Variants in SULF1 observed in about 807,000 individuals in gnomAD.
SULF1 encodes sulfatase 1, also known as extracellular sulfatase Sulf-1.
SULF1 carries 46 observed loss-of-function variants against 110.5 expected under a neutral mutation model. The observed-to-expected ratio is 0.42, with a 90% CI of 0.33 to 0.53. The LOEUF (loss-of-function observed/expected upper bound fraction) is 0.53, where lower values mean the gene tolerates loss of function less well. SULF1 is among the 20% of genes least tolerant of loss of function. SULF1 has a pLI of 0.12. For missense variants in SULF1, 941 were observed against 1,094.2 expected, an observed-to-expected ratio of 0.86 and a Z score of 1.98; for synonymous variants, 371 against 387.1, an observed-to-expected ratio of 0.96 and a Z score of 0.49.
At chr8:69,487,869 T>G (rs914934996), upstream of SULF1, among the ~76,000 whole-genome samples, 2 of 152,238 alleles carry the variant, frequency 1.3e-5, no homozygotes, top group African/African-American at 4.8e-5. Flanking sequence ...TTTTGTAGTC[T>G]AAGAACGTGT....
chr8:69,601,559 C>A, intron 9 of SULF1, 95 bp from the exon 10 acceptor site: 1 of 1,098,264 alleles, frequency 9.1e-7, no homozygotes, highest in Non-Finnish European at 1.3e-6. Flanking sequence ...TTAAAAATAA[C>A]AGGAAAAAGA....
chr8:69,516,967 C>T (rs1811968213), intron 3 of SULF1, among the ~76,000 whole-genome samples: 1 of 152,254 alleles, frequency 6.6e-6, no homozygotes, highest in African/African-American at 2.4e-5. Flanking sequence ...CATCTTCTCA[C>T]CTGTGCTTAT....
At chr8:69,578,535 A>G (rs962817483) in intron 6 of SULF1, among the ~76,000 whole-genome samples, 1 of 119,348 alleles carries the variant, frequency 8.4e-6, no homozygotes, top group African/African-American at 3.3e-5. Context: ...TGACGTTCCA[A>G]TGGGAAGAGC....
chr8:69,633,003 G>A (rs1246387953), intron 19 of SULF1, among the ~76,000 whole-genome samples: 1 of 150,630 alleles, frequency 6.6e-6, no homozygotes, highest in Non-Finnish European at 1.5e-5. Flanking sequence ...GGGTGACAGA[G>A]TGAGACCGCA....
Position 69,649,323 on chromosome 8 carries a change from C to T in SULF1, c.2585+8482C>T, listed in dbSNP as rs960832275. ...GAATCATTTGCAAGTAATTTGCAAA[C>T]ATCATTCCCCTTTATATATAAATGC... On this transcript the variant is annotated intron_variant, in intron 22 of 22. Transcript: ENST00000402687. Among the ~76,000 whole-genome samples the T allele has an allele frequency of 4.6e-5, 7 of 152,114 alleles. No individual in the cohort carries two copies. The South Asian group carries it at 1.2e-3, about 27-fold the overall frequency.
chr8:69,502,366 T>C (rs186870170), intron 3 of SULF1, among the ~76,000 whole-genome samples: 8 of 152,306 alleles, frequency 5.3e-5, no homozygotes, highest in Admixed American at 5.2e-4. Flanking sequence ...TGTACAGATA[T>C]CTGATTTATT....
rs150308371 is a variant in SULF1 at position 69,543,262 on chromosome 8, A to G, written c.-133-20277A>G. Among the ~76,000 whole-genome samples the G allele has an allele frequency of 5.9e-5, 9 of 152,198 alleles. No homozygotes were observed. The East Asian group carries it at 1.7e-3, about 29-fold the overall frequency. ...TCCAGGGTACACGTGCAAGATATGC[A>G]GGTTTGTTACATAGGTAAACCTGTG... On this transcript the variant is annotated intron_variant, in intron 3 of 22. Coordinates refer to ENST00000402687, the MANE Select transcript of SULF1 (RefSeq NM_001128205.2).
chr8:69,478,292 T>C (rs1016883161), intron 1 of SULF1, among the ~76,000 whole-genome samples: 1 of 152,174 alleles, frequency 6.6e-6, no homozygotes, highest in Non-Finnish European at 1.5e-5. Context: ...CCTACTGCCA[T>C]TAAACTCATC....
At chr8:69,636,969 G>A (rs1671933914) in intron 19 of SULF1, among the ~76,000 whole-genome samples, 1 of 152,138 alleles carries the variant, frequency 6.6e-6, no homozygotes, top group African/African-American at 2.4e-5. Flanking sequence ...TTTGGGAAGT[G>A]CTTTAGAGCT....
chr8:69,547,505 G>A (rs766490761), intron 3 of SULF1, among the ~76,000 whole-genome samples: 4 of 152,192 alleles, frequency 2.6e-5, no homozygotes, highest in Non-Finnish European at 4.4e-5. Context: ...AGTTGGAAAC[G>A]TTTGACTTTC....
intron 13 of SULF1, among the ~76,000 whole-genome samples, chr8:69,616,905 T>A (rs537376123): frequency 6.6e-6 from 1 of 152,196 alleles, no homozygotes; most frequent in South Asian, 2.1e-4. Context: ...GGAGCACCTC[T>A]TACGCTTCCA....
intron 5 of SULF1, among the ~76,000 whole-genome samples, chr8:69,571,884 A>C (rs941365489): frequency 2.0e-5 from 3 of 152,202 alleles, no homozygotes; most frequent in Admixed American, 2.0e-4. Flanking sequence ...TTACTGGTAC[A>C]CACTAACACA....
chr8:69,654,734 C>A (rs1255344012), intron 22 of SULF1, among the ~76,000 whole-genome samples: 3 of 152,196 alleles, frequency 2.0e-5, no homozygotes, highest in Non-Finnish European at 4.4e-5. Context: ...CAGTGGGGGA[C>A]ACTCCCTTAG....
chr8:69,563,872 T>C, intron 4 of SULF1, 44 bp from the exon 5 acceptor site: 1 of 1,213,620 alleles, frequency 8.2e-7, no homozygotes, highest in East Asian at 2.3e-5. Flanking sequence ...GGAGTTTGGA[T>C]TTCATTTTAG....
At chr8:69,478,890 C>G (rs896391160) in intron 1 of SULF1, among the ~76,000 whole-genome samples, 1 of 152,182 alleles carries the variant, frequency 6.6e-6, no homozygotes, top group African/African-American at 2.4e-5. Context: ...TACACATTCA[C>G]AGTTAGAATG....
At chr8:69,638,378 C>A (rs1238085946) in intron 19 of SULF1, 124 bp from the exon 20 acceptor site, 2 of 1,167,868 alleles carry the variant, frequency 1.7e-6, no homozygotes, top group Non-Finnish European at 1.2e-6. Flanking sequence ...CATGAAACCA[C>A]AATATTTATA....
intron 3 of SULF1, among the ~76,000 whole-genome samples, chr8:69,524,208 G>T (rs1812513632): frequency 6.6e-6 from 1 of 152,046 alleles, no homozygotes; most frequent in African/African-American, 2.4e-5. Context: ...AAAGATTTTG[G>T]CATGACACTG....
chr8:69,504,585 A>G (rs1198927036), intron 3 of SULF1, among the ~76,000 whole-genome samples: 1 of 152,148 alleles, frequency 6.6e-6, no homozygotes, highest in African/African-American at 2.4e-5. Context: ...ATAAGTGTCT[A>G]ATGTTGGATC....
intron 5 of SULF1, 46 bp downstream of exon 5, chr8:69,564,193 AT>A: frequency 6.3e-7 from 1 of 1,599,502 alleles, no homozygotes; most frequent in Non-Finnish European, 8.6e-7. Flanking sequence ...TGTTCAGATG[AT>A]TTCTCGAGTC....
Sources: gnomAD v4.1 joint callset for allele counts (sites outside exome capture counted in the v4.1 genomes callset) on GRCh38, gnomAD v4.1.1 for gene constraint, MANE v1.5 for transcripts, NCBI Gene and HGNC (gene_info 2026-07-23, HGNC 2026-07-21) for gene names.